The following PMFBP1 variants were observed in gnomAD, a reference collection of about 807,000 sequenced individuals.
The protein encoded by PMFBP1 is polyamine modulated factor 1 binding protein 1.
PMFBP1 carries 131 observed loss-of-function variants against 137.8 expected under a neutral mutation model. That is an observed-to-expected ratio of 0.95 (90% confidence interval 0.82 to 1.10). The LOEUF (loss-of-function observed/expected upper bound fraction) is 1.10. Among genes scored for constraint, PMFBP1 ranks in the 50% least tolerant of loss-of-function variants. The pLI, the probability that PMFBP1 is intolerant of heterozygous loss-of-function variation, is 0.00. For missense variants in PMFBP1, 1,199 were observed against 1,175.4 expected, an observed-to-expected ratio of 1.02 and a Z score of -0.29; for synonymous variants, 490 against 450.4, an observed-to-expected ratio of 1.09 and a Z score of -1.11.
At chr16:72,243,970 T>G in the PMFBP1 span, among the ~76,000 whole-genome samples, 1 of 152,190 alleles carries the variant, frequency 6.6e-6, no homozygotes, top group African/African-American at 2.4e-5. Flanking sequence ...CAAACAGCTC[T>G]AGAGATAATT....
At chr16:72,170,135 G>A (rs1490207367) in intron 2 of PMFBP1, among the ~76,000 whole-genome samples, 1 of 151,810 alleles carries the variant, frequency 6.6e-6, no homozygotes, top group Non-Finnish European at 1.5e-5. Flanking sequence ...TTTATTCCCA[G>A]CTCCTAGAAC....
the PMFBP1 span, among the ~76,000 whole-genome samples, chr16:72,218,289 C>T: frequency 6.6e-6 from 1 of 152,122 alleles, no homozygotes; most frequent in Admixed American, 6.5e-5. Flanking sequence ...AACAGAAATG[C>T]CTTGAAAAAC....
chr16:72,143,395 A>C (rs555627337), intron 5 of PMFBP1, among the ~76,000 whole-genome samples: 1 of 152,348 alleles, frequency 6.6e-6, no homozygotes, highest in South Asian at 2.1e-4. Flanking sequence ...AAAATCTGGT[A>C]AGAGAGCTCA....
chr16:72,217,091 C>G, the PMFBP1 span, among the ~76,000 whole-genome samples: 1 of 152,102 alleles, frequency 6.6e-6, no homozygotes, highest in Non-Finnish European at 1.5e-5. Flanking sequence ...CTTGGACACA[C>G]AGCTAATCTA....
intron 4 of PMFBP1, among the ~76,000 whole-genome samples, chr16:72,152,434 A>G (rs2042915015): frequency 6.6e-6 from 1 of 152,168 alleles, no homozygotes; most frequent in South Asian, 2.1e-4. Context: ...AATTCTGGCC[A>G]GGGATATTTA....
intron 6 of PMFBP1, among the ~76,000 whole-genome samples, chr16:72,139,659 T>C (rs2042686166): frequency 6.6e-6 from 1 of 152,164 alleles, no homozygotes; most frequent in Admixed American, 6.5e-5. Context: ...GTTTGGTCCA[T>C]TTGATGAGGC....
At chr16:72,126,281 C>G in intron 14 of PMFBP1, 149 bp from the exon 15 acceptor site, 1 of 837,232 alleles carries the variant, frequency 1.2e-6, no homozygotes. Context: ...TTCACTTCAC[C>G]ACTGTAAAAG....
intron 5 of PMFBP1, among the ~76,000 whole-genome samples, chr16:72,143,753 A>G (rs1177665212): frequency 7.2e-6 from 1 of 138,632 alleles, no homozygotes; most frequent in African/African-American, 2.7e-5. Flanking sequence ...AGAGACAAAA[A>G]AAATTGGCCG....
chr16:72,175,057 G>A (rs1302414365), upstream of PMFBP1, among the ~76,000 whole-genome samples: 1 of 152,146 alleles, frequency 6.6e-6, no homozygotes, highest in Non-Finnish European at 1.5e-5. Context: ...GATTCAGACT[G>A]TCTCTTAGAC....
intron 2 of PMFBP1, 82 bp downstream of exon 2, chr16:72,171,115 G>C: frequency 1.4e-6 from 2 of 1,476,972 alleles, no homozygotes; most frequent in Non-Finnish European, 1.9e-6. Flanking sequence ...CTTATTACTG[G>C]AATTTTGAAT....
the PMFBP1 span, among the ~76,000 whole-genome samples, chr16:72,196,230 C>T: frequency 9.3e-4 from 142 of 152,208 alleles, 2 homozygotes; most frequent in East Asian, 0.021. Flanking sequence ...AAGATCAATA[C>T]GAATGGTACC....
intron 7 of PMFBP1, among the ~76,000 whole-genome samples, chr16:72,137,100 A>G (rs1428849077): frequency 1.3e-5 from 2 of 152,146 alleles, no homozygotes; most frequent in South Asian, 2.1e-4. Flanking sequence ...TTGTCTCCCA[A>G]TGAAATTTTT....
the PMFBP1 span, among the ~76,000 whole-genome samples, chr16:72,215,693 T>A: frequency 6.6e-6 from 1 of 152,152 alleles, no homozygotes; most frequent in Non-Finnish European, 1.5e-5. Flanking sequence ...AGGTGAAACA[T>A]GTTGGCTAAT....
At chr16:72,153,343 G>A (rs2042931296) in intron 4 of PMFBP1, among the ~76,000 whole-genome samples, 1 of 152,200 alleles carries the variant, frequency 6.6e-6, no homozygotes, top group South Asian at 2.1e-4. Flanking sequence ...TAAAGTCCTT[G>A]AAGTTAGTCC....
chr16:72,233,796 G>C, the PMFBP1 span, among the ~76,000 whole-genome samples: 1 of 152,034 alleles, frequency 6.6e-6, no homozygotes, highest in South Asian at 2.1e-4. Context: ...CCATGGATAT[G>C]CCTATGCTAA....
At chr16:72,196,033 A>AAG in the PMFBP1 span, among the ~76,000 whole-genome samples, 5 of 108,832 alleles carry the variant, frequency 4.6e-5, no homozygotes, top group East Asian at 1.5e-3. Flanking sequence ...GTGTGTGTGA[A>AAG]AGAGAGAGAG....
chr16:72,137,849 A>G (rs1377697963), intron 7 of PMFBP1, among the ~76,000 whole-genome samples: 2 of 152,168 alleles, frequency 1.3e-5, no homozygotes, highest in African/African-American at 2.4e-5. Context: ...GAGGGAGGGC[A>G]GCAGCAGGAA....
chr16:72,150,878 G>A (rs1410265860), intron 4 of PMFBP1, 49 bp from the exon 5 acceptor site: 2 of 1,512,028 alleles, frequency 1.3e-6, no homozygotes, highest in Middle Eastern at 1.7e-4. Flanking sequence ...AGCACGTAAT[G>A]AGGAAAGGAT....
chr16:72,140,965 C>A, intron 5 of PMFBP1, among the ~76,000 whole-genome samples: 1 of 108,640 alleles, frequency 9.2e-6, no homozygotes, highest in East Asian at 2.8e-4. Flanking sequence ...GATGGAGTCT[C>A]ACTCTGTCGC....
Sources: allele counts gnomAD v4.1 joint callset (sites outside exome capture counted in the v4.1 genomes callset), GRCh38; gene constraint gnomAD v4.1.1; transcripts MANE v1.5; gene names NCBI Gene and HGNC (gene_info 2026-07-23, HGNC 2026-07-21).